Variants in MGAT4C observed in about 807,000 individuals in gnomAD.
MGAT4C encodes MGAT4 family member C, also known as alpha-1,3-mannosyl-glycoprotein 4-beta-N-acetylglucosaminyltransferase C.
A neutral mutation model predicts 40.1 loss-of-function variants in MGAT4C; 19 were observed. The ratio of observed to expected loss-of-function variants is 0.47; its 90% CI spans 0.33 to 0.70. The LOEUF (loss-of-function observed/expected upper bound fraction) is 0.70. Ranked by LOEUF, MGAT4C falls within the 30% of genes least tolerant of loss-of-function variation. The pLI, the probability that MGAT4C is intolerant of heterozygous loss-of-function variation, is 0.02. For missense variants in MGAT4C, 491 were observed against 563.2 expected (o/e 0.87, Z 1.30); for synonymous variants, 181 against 187.1 (o/e 0.97, Z 0.27).
intron 1 of MGAT4C, among the ~76,000 whole-genome samples, chr12:86,053,267 A>T (rs990578023): frequency 1.3e-5 from 2 of 151,438 alleles, no homozygotes; most frequent in African/African-American, 2.4e-5. Flanking sequence ...GTGTGTGTGT[A>T]GATGAGATGA....
chr12:86,617,749 G>T (rs1034645905), intron 2 of MGAT4C, among the ~76,000 whole-genome samples: 4 of 151,422 alleles, frequency 2.6e-5, no homozygotes, highest in Admixed American at 2.0e-4. Context: ...AAGACCTAGG[G>T]GAAATGCTCC....
At chr12:86,559,601 A>G (rs1959770739) in intron 2 of MGAT4C, among the ~76,000 whole-genome samples, 1 of 151,942 alleles carries the variant, frequency 6.6e-6, no homozygotes, top group African/African-American at 2.4e-5. Context: ...AACCAAAACA[A>G]ATAAAAAATG....
chr12:86,530,185 C>T (rs1216805656), intron 2 of MGAT4C, among the ~76,000 whole-genome samples: 1 of 151,936 alleles, frequency 6.6e-6, no homozygotes, highest in African/African-American at 2.4e-5. Flanking sequence ...ATGCAATCTT[C>T]TTTGTTCCTT....
At chr12:86,649,583 C>T (rs185512161) in intron 2 of MGAT4C, among the ~76,000 whole-genome samples, 152 of 151,914 alleles carry the variant, frequency 1.0e-3, no homozygotes, top group African/African-American at 3.4e-3. Flanking sequence ...CAGGTCGATG[C>T]TGTTGTAAGC....
intron 2 of MGAT4C, among the ~76,000 whole-genome samples, chr12:86,664,735 T>C (rs935752697): frequency 1.3e-5 from 2 of 152,196 alleles, no homozygotes; most frequent in African/African-American, 4.8e-5. Flanking sequence ...TTATTCAAAT[T>C]ACTACAAATC....
intron 4 of MGAT4C, among the ~76,000 whole-genome samples, chr12:86,295,766 G>GC (rs1953652677): frequency 6.6e-6 from 1 of 152,100 alleles, no homozygotes; most frequent in Non-Finnish European, 1.5e-5. Flanking sequence ...TAGATACAGA[G>GC]TTTCGACATA....
At chr12:86,163,884 TATG>T (rs1488396782) in intron 1 of MGAT4C, among the ~76,000 whole-genome samples, 1 of 152,196 alleles carries the variant, frequency 6.6e-6, no homozygotes, top group East Asian at 1.9e-4. Flanking sequence ...CCCTTTCTCA[TATG>T]ATACTTTAAA....
At chr12:86,102,344 A>G (rs917893371) in intron 1 of MGAT4C, among the ~76,000 whole-genome samples, 2 of 151,996 alleles carry the variant, frequency 1.3e-5, no homozygotes, top group African/African-American at 4.8e-5. Flanking sequence ...ATTTCTTTTT[A>G]CTTAAGAAAA....
intron 1 of MGAT4C, among the ~76,000 whole-genome samples, chr12:86,108,409 C>T (rs2405792): frequency 0.035 from 5,294 of 152,226 alleles, 295 homozygotes; most frequent in East Asian, 0.28. Flanking sequence ...CTTAAGGCTT[C>T]TCTTTTCTTT....
At chr12:86,830,712 TAATGAAACAAACA>T (rs1312548170) in intron 1 of MGAT4C, among the ~76,000 whole-genome samples, 1 of 121,746 alleles carries the variant, frequency 8.2e-6, no homozygotes, top group East Asian at 2.5e-4. Flanking sequence ...AGATGGCTCC[TAATGAAACAAACA>T]AACAAACAAA....
At chr12:86,037,634 A>G (rs556973693) in intron 2 of MGAT4C, among the ~76,000 whole-genome samples, 2 of 149,704 alleles carry the variant, frequency 1.3e-5, no homozygotes, top group South Asian at 2.1e-4. Flanking sequence ...TTCTTATTTG[A>G]TTGCGCTGTG....
intron 1 of MGAT4C, among the ~76,000 whole-genome samples, chr12:86,150,035 G>A (rs1289249082): frequency 2.0e-5 from 3 of 152,178 alleles, no homozygotes; most frequent in Non-Finnish European, 2.9e-5. Flanking sequence ...ATGTTTTCAT[G>A]AACTGGGTGG....
At chr12:86,019,285 G>T (rs1889408932) in intron 2 of MGAT4C, among the ~76,000 whole-genome samples, 1 of 152,084 alleles carries the variant, frequency 6.6e-6, no homozygotes, top group Non-Finnish European at 1.5e-5. Flanking sequence ...ATATATTCGT[G>T]ATTATTCTTA....
At chr12:86,021,606 G>A (rs1302651290) in intron 2 of MGAT4C, among the ~76,000 whole-genome samples, 1 of 110,764 alleles carries the variant, frequency 9.0e-6, no homozygotes, top group Admixed American at 1.2e-4. Flanking sequence ...GGGGAGGGGG[G>A]AGGGATAGCA....
Position 86,136,162 on chromosome 12 carries a change from TTAGA to T in MGAT4C, c.-56-86443_-56-86440del, listed in dbSNP as rs562650856. ...ATAAAATAATCACTCTATTAGTCTGTTAGATAGATCAGTCATCCATTAATTCAAT... is the reference window on the plus strand; with the variant it reads ...ATAAAATAATCACTCTATTAGTCTGTTAGATCAGTCATCCATTAATTCAAT... On this transcript the variant is annotated intron_variant, in intron 1 of 4. Transcript: ENST00000611864. Among the ~76,000 whole-genome samples the T allele has an allele frequency of 6.6e-5, 10 of 152,304 alleles. No individual in the cohort carries two copies. In the South Asian group the frequency reaches 8.3e-4, roughly 13 times the overall value.
chr12:86,496,097 G>C (rs1037360455), intron 2 of MGAT4C, among the ~76,000 whole-genome samples: 18 of 151,884 alleles, frequency 1.2e-4, no homozygotes, highest in African/African-American at 4.4e-4. Context: ...TTACTGTCTC[G>C]GTGATTGTCT....
intron 4 of MGAT4C, among the ~76,000 whole-genome samples, chr12:86,317,071 T>C (rs1954256943): frequency 6.6e-6 from 1 of 151,860 alleles, no homozygotes; most frequent in Admixed American, 6.6e-5. Flanking sequence ...AAAACATAAG[T>C]ATACAAGAAG....
chr12:86,415,358 T>C (rs1458488537), intron 3 of MGAT4C, among the ~76,000 whole-genome samples: 1 of 151,978 alleles, frequency 6.6e-6, no homozygotes, highest in Non-Finnish European at 1.5e-5. Flanking sequence ...AGACCCTATG[T>C]TAATAACTAA....
At chr12:86,080,978 T>C (rs567490335) in intron 1 of MGAT4C, among the ~76,000 whole-genome samples, 2 of 152,308 alleles carry the variant, frequency 1.3e-5, no homozygotes, top group Admixed American at 6.5e-5. Context: ...GTAATGCATA[T>C]GTTTTCTGAG....
Sources: allele counts gnomAD v4.1 joint callset (sites outside exome capture counted in the v4.1 genomes callset), GRCh38; gene constraint gnomAD v4.1.1; transcripts MANE v1.5; gene names NCBI Gene and HGNC (gene_info 2026-07-23, HGNC 2026-07-21).